Variants in ADCY3 observed in about 807,000 individuals in gnomAD.
ADCY3 encodes adenylate cyclase type 3.
ADCY3 carries 70 observed loss-of-function variants against 119.4 expected under a neutral mutation model. The ratio of observed to expected loss-of-function variants is 0.59; its 90% CI spans 0.48 to 0.72. The LOEUF is 0.72. Among genes scored for constraint, ADCY3 ranks in the 30% least tolerant of loss-of-function variants. ADCY3 has a pLI of 0.00. For synonymous variants in ADCY3, 672 were observed against 621.4 expected, an observed-to-expected ratio of 1.08 and a Z score of -1.21; for missense variants, 1,238 against 1,541.6, an observed-to-expected ratio of 0.80 and a Z score of 3.30.
chr2:24,829,018 T>C (rs888095043), intron 13 of ADCY3, among the ~76,000 whole-genome samples: 4 of 88,070 alleles, frequency 4.5e-5, no homozygotes, highest in East Asian at 1.6e-3. Context: ...TTATTCTTTT[T>C]TTTCTTTTTT....
rs1386200658 is a variant in ADCY3 at position 24,898,288 on chromosome 2, G to A, written c.675+20025C>T. ...GTGCGCCACAGAGGCCCCCGGGGAGGCTCGAGGACCGCCTTTCCATCACCG... is the reference window on the plus strand; with the variant it reads ...GTGCGCCACAGAGGCCCCCGGGGAGACTCGAGGACCGCCTTTCCATCACCG... On this transcript the variant is annotated intron_variant, in intron 2 of 21. Coordinates refer to ENST00000679454, the MANE Select transcript of ADCY3 (RefSeq NM_004036.5). This position sits in a 1 kb window ranked among gnomAD's most constrained non-coding sequence, Gnocchi z 4.3. 6.6e-6 allele frequency among the ~76,000 whole-genome samples: 1 copy of A among 152,084 alleles called. No homozygotes were observed. Among genetic ancestry groups the A allele is most frequent in the African/African-American group, 2.4e-5 (1 of 41,412 alleles).
Position 24,870,604 on chromosome 2 carries a change from G to A in ADCY3, c.825+1966C>T, listed in dbSNP as rs1490658421. ...CCAATGTCTGCTCTGCCACTGCAGC[G>A]TGGGCAGGCAATGCAGAGAAGCACC... On this transcript the variant is annotated intron_variant, in intron 3 of 21. Transcript: ENST00000679454. Among the ~76,000 whole-genome samples, 12 of 152,178 alleles carry A rather than the reference G, an allele frequency of 7.9e-5. No individual in the cohort carries two copies. In the South Asian group the frequency reaches 1.5e-3, roughly 18 times the overall value.
rs1454510852 is a variant in ADCY3, at chr2:24,918,290, G to C, written c.675+23C>G. ...GAGAGCTGCAGGAGAGGACGCTGTG[G>C]GGGGACAGTGGGCAGGACTCACCTC... On this transcript the variant is annotated intron_variant, in intron 2 of 21. Transcript: ENST00000679454. This position sits in a 1 kb window ranked among gnomAD's most constrained non-coding sequence, Gnocchi z 5.4. 3 of 1,530,138 alleles carry C rather than the reference G, an allele frequency of 2.0e-6. No homozygotes were observed. The highest frequency in any genetic ancestry group is 4.5e-5 in the East Asian group (2 of 44,134). The allele number at this position is 1,530,138 out of a possible 1,614,324, so 94.8% of individuals were successfully genotyped here.
intron 3 of ADCY3, among the ~76,000 whole-genome samples, chr2:24,845,949 C>A (rs1671606195): frequency 6.6e-6 from 1 of 152,250 alleles, no homozygotes; most frequent in African/African-American, 2.4e-5. Context: ...AGGGTGCAAA[C>A]CCCAAGCCTT....
chr2:24,854,396 C>T (rs1315429165), intron 3 of ADCY3, among the ~76,000 whole-genome samples: 2 of 152,186 alleles, frequency 1.3e-5, no homozygotes, highest in Non-Finnish European at 2.9e-5. Flanking sequence ...CTGCAAAGGC[C>T]CCCATGCCCT....
At chr2:24,853,005 GGTGTGTGT>G (rs58904311) in intron 3 of ADCY3, among the ~76,000 whole-genome samples, 9,371 of 94,534 alleles carry the variant, frequency 0.099, 389 homozygotes, top group Admixed American at 0.11. Flanking sequence ...ACAGCTGGAG[GGTGTGTGT>G]GTGTGTGTGT....
At chr2:24,824,876 T>G (rs1023743155) in intron 16 of ADCY3, among the ~76,000 whole-genome samples, 3 of 151,708 alleles carry the variant, frequency 2.0e-5, no homozygotes, top group Admixed American at 6.6e-5. Context: ...GGCAAAAGAG[T>G]GAGACTCAGT....
chr2:24,905,076 C>T (rs865830173), intron 2 of ADCY3, among the ~76,000 whole-genome samples: 1 of 151,884 alleles, frequency 6.6e-6, no homozygotes, highest in African/African-American at 2.4e-5. Flanking sequence ...TGGGAAGGTA[C>T]AGTTTGGTCT....
chr2:24,879,053 G>T (rs1396084385), intron 2 of ADCY3, among the ~76,000 whole-genome samples: 1 of 152,196 alleles, frequency 6.6e-6, no homozygotes, highest in Non-Finnish European at 1.5e-5. Flanking sequence ...GCGGGAAGAG[G>T]TCAGGCCTCG....
chr2:24,879,841 G>A (rs999135227), intron 2 of ADCY3, among the ~76,000 whole-genome samples: 1 of 152,064 alleles, frequency 6.6e-6, no homozygotes. Flanking sequence ...CTACAGCCGC[G>A]GCACAGGGGG....
At chr2:24,845,135 T>G (rs1671517546) in intron 3 of ADCY3, among the ~76,000 whole-genome samples, 1 of 152,238 alleles carries the variant, frequency 6.6e-6, no homozygotes, top group African/African-American at 2.4e-5. Context: ...GTCTCAGGTA[T>G]GTCTTTATCA....
In ADCY3 at chr2:24,823,198, T is replaced by C. The variant is rs763699009; in HGVS notation, c.2883+11A>G. 2 of 1,610,974 alleles carry C rather than the reference T, an allele frequency of 1.2e-6. No homozygotes were observed. The highest frequency in any genetic ancestry group is 1.7e-6 in the Non-Finnish European group (2 of 1,178,918). ...TTCATGGCCAGAGTGCAGGGTGGGA[T>C]GGGCACTCACAGAGTCAAAATCTGA... On this transcript the variant is annotated intron_variant, in intron 18 of 21. Coordinates refer to ENST00000679454, the MANE Select transcript of ADCY3 (RefSeq NM_004036.5).
intron 2 of ADCY3, among the ~76,000 whole-genome samples, chr2:24,887,111 A>G (rs1224260540): frequency 1.3e-5 from 2 of 152,224 alleles, no homozygotes; most frequent in East Asian, 3.9e-4. Context: ...ATGGCTGGGA[A>G]GGCCTCAGGA....
At chr2:24,830,604 A>G (rs1572816843) in intron 13 of ADCY3, 105 bp downstream of exon 13, 5 of 815,502 alleles carry the variant, frequency 6.1e-6, no homozygotes, top group East Asian at 2.5e-5. Flanking sequence ...CCAAAGCTAC[A>G]TGACGGTGGA....
chr2:24,829,412 A>ATTTTTT lies in ADCY3; in HGVS notation c.2173-1257_2173-1252dup, dbSNP rs67246369. Among the ~76,000 whole-genome samples the ATTTTTT allele has an allele frequency of 7.8e-5, 5 of 63,790 alleles. 1 individual carries two copies. Among genetic ancestry groups the ATTTTTT allele is most frequent in the African/African-American group, 3.0e-4 (5 of 16,770 alleles). 41.8% of individuals were successfully genotyped at this position (63,790 alleles called of 152,430 possible). A position where few individuals can be genotyped will look rare whatever the true frequency, so the allele number is the denominator to read the frequency against. On this transcript the variant is annotated intron_variant, in intron 13 of 21. Coordinates refer to ENST00000679454, the MANE Select transcript of ADCY3 (RefSeq NM_004036.5). ...ATGTTGGTTGTATTTGTGTGCTCCAATTTTTTTTTTTTTTTTTTTTTTTTT... is the reference window on the plus strand; with the variant it reads ...ATGTTGGTTGTATTTGTGTGCTCCAATTTTTTTTTTTTTTTTTTTTTTTTTTTTTTT...
At chr2:24,864,472 G>A (rs554934660) in intron 3 of ADCY3, among the ~76,000 whole-genome samples, 114 of 152,276 alleles carry the variant, frequency 7.5e-4, no homozygotes, top group African/African-American at 2.6e-3. Flanking sequence ...CAAAGCCGCA[G>A]AAAACACCCA....
chr2:24,870,372 A>G (rs1271674452), intron 3 of ADCY3, among the ~76,000 whole-genome samples: 2 of 151,894 alleles, frequency 1.3e-5, no homozygotes, highest in East Asian at 1.9e-4. Flanking sequence ...AAAGTTTTAC[A>G]TATGGGGATA....
intron 16 of ADCY3, among the ~76,000 whole-genome samples, chr2:24,825,358 G>GGT (rs75652265): frequency 1.4e-5 from 1 of 69,308 alleles, no homozygotes; most frequent in Non-Finnish European, 3.5e-5. Context: ...GTGCGGGGGG[G>GGT]GTGTCTCACT....
Position 24,841,859 on chromosome 2 carries a change from C to A in ADCY3, c.957-192G>T, listed in dbSNP as rs1249299872. On this transcript the variant is annotated intron_variant, in intron 4 of 21. Coordinates refer to ENST00000679454, the MANE Select transcript of ADCY3 (RefSeq NM_004036.5). The surrounding 1 kb of genome is among the most constrained non-coding windows in gnomAD (Gnocchi z 5.8). ...GGCTCTGACCTTGCACTTGTCCTAGCAGACTTCCCCTGCAGGCCTCCCTCC... is the reference window on the plus strand; with the variant it reads ...GGCTCTGACCTTGCACTTGTCCTAGAAGACTTCCCCTGCAGGCCTCCCTCC... 6.6e-6 allele frequency among the ~76,000 whole-genome samples: 1 copy of A among 152,168 alleles called. No individual in the cohort carries two copies. Among genetic ancestry groups the A allele is most frequent in the Non-Finnish European group, 1.5e-5 (1 of 68,034 alleles).
Sources: gnomAD v4.1 joint callset for allele counts (sites outside exome capture counted in the v4.1 genomes callset) on GRCh38, gnomAD v4.1.1 for gene constraint, Gnocchi (gnomAD v3.1) non-coding constraint, MANE v1.5 for transcripts, NCBI Gene and HGNC (gene_info 2026-07-23, HGNC 2026-07-21) for gene names.